Variants in ADRA1B observed in about 807,000 individuals in gnomAD.
ADRA1B encodes alpha-1B adrenergic receptor.
A neutral mutation model predicts 17.9 loss-of-function variants in ADRA1B; 17 were observed. The observed-to-expected ratio is 0.95, with a 90% CI of 0.65 to 1.42. The LOEUF is 1.42. Among genes scored for constraint, ADRA1B ranks in the 40% most tolerant of loss-of-function variants. The probability of loss-of-function intolerance (pLI) is 0.00; values close to 1 mark genes in which losing one functional copy is unlikely to be tolerated. For synonymous variants in ADRA1B, 366 were observed against 327.6 expected (o/e 1.12, Z -1.27); for missense variants, 681 against 722.1 (o/e 0.94, Z 0.65).
intron 1 of ADRA1B, among the ~76,000 whole-genome samples, chr5:159,904,762 T>C (rs1754141020): frequency 6.6e-6 from 1 of 152,240 alleles, no homozygotes; most frequent in South Asian, 2.1e-4. Flanking sequence ...ACACCATTAT[T>C]GAATGTGAGT....
chr5:159,921,628 C>G (rs558361455), intron 1 of ADRA1B, among the ~76,000 whole-genome samples: 1 of 152,328 alleles, frequency 6.6e-6, no homozygotes, highest in East Asian at 1.9e-4. Context: ...TGCTCCAAAT[C>G]TTTCTTCTGT....
chr5:159,937,231 G>A (rs548455545), intron 1 of ADRA1B, among the ~76,000 whole-genome samples: 8 of 152,328 alleles, frequency 5.3e-5, no homozygotes, highest in South Asian at 2.1e-4. Flanking sequence ...ATCCCTGCTC[G>A]CTGGCACTTG....
intron 1 of ADRA1B, among the ~76,000 whole-genome samples, chr5:159,920,430 C>A (rs2113160466): frequency 6.6e-6 from 1 of 152,308 alleles, no homozygotes; most frequent in Non-Finnish European, 1.5e-5. Context: ...CCCCTAGCAT[C>A]TCAGGTCCTG....
intron 1 of ADRA1B, among the ~76,000 whole-genome samples, chr5:159,954,227 A>G (rs1037097258): frequency 1.3e-5 from 2 of 152,128 alleles, no homozygotes; most frequent in African/African-American, 4.8e-5. Flanking sequence ...CTTATCAACA[A>G]CAGAAATTTA....
intron 1 of ADRA1B, among the ~76,000 whole-genome samples, chr5:159,899,008 G>A (rs930645033): frequency 6.6e-6 from 1 of 151,918 alleles, no homozygotes; most frequent in African/African-American, 2.4e-5. Context: ...TTAGCCAAGT[G>A]TGGTGGTGCA....
intron 1 of ADRA1B, among the ~76,000 whole-genome samples, chr5:159,918,573 C>A (rs933604679): frequency 6.6e-6 from 1 of 152,176 alleles, no homozygotes; most frequent in Non-Finnish European, 1.5e-5. Context: ...TTATGGAATG[C>A]CCAGAATCAA....
chr5:159,899,825 C>T (rs1284300689), intron 1 of ADRA1B, among the ~76,000 whole-genome samples: 2 of 152,148 alleles, frequency 1.3e-5, no homozygotes, highest in African/African-American at 4.8e-5. Flanking sequence ...TGTCCTCAGG[C>T]AAGATCTTTC....
the ADRA1B span, among the ~76,000 whole-genome samples, chr5:159,981,775 C>T: frequency 2.0e-5 from 3 of 152,136 alleles, no homozygotes; most frequent in African/African-American, 4.8e-5. Flanking sequence ...GGATTACAGA[C>T]GTGAGCTACC....
chr5:159,880,728 G>A (rs369990770), intron 1 of ADRA1B, among the ~76,000 whole-genome samples: 23 of 152,166 alleles, frequency 1.5e-4, no homozygotes, highest in African/African-American at 4.8e-4. Context: ...TGCCCTCTGG[G>A]GCTAACACAG....
intron 1 of ADRA1B, among the ~76,000 whole-genome samples, chr5:159,919,615 G>A (rs1016656268): frequency 1.2e-4 from 19 of 152,120 alleles, no homozygotes; most frequent in African/African-American, 3.6e-4. Context: ...TCTCCCCTTC[G>A]GTATAACTGT....
At chr5:159,940,771 G>A (rs542489700) in intron 1 of ADRA1B, among the ~76,000 whole-genome samples, 5 of 152,214 alleles carry the variant, frequency 3.3e-5, no homozygotes, top group South Asian at 4.2e-4. Context: ...ATTATCTGTG[G>A]TAGTTTTTAT....
At chr5:159,983,579 G>C in the ADRA1B span, among the ~76,000 whole-genome samples, 1 of 152,168 alleles carries the variant, frequency 6.6e-6, no homozygotes, top group Admixed American at 6.5e-5. Flanking sequence ...CGTCTTAGCC[G>C]TGGGAATGTG....
intron 1 of ADRA1B, among the ~76,000 whole-genome samples, chr5:159,893,908 G>C (rs7707024): frequency 0.67 from 101,696 of 152,126 alleles, 35,615 homozygotes; most frequent in African/African-American, 0.83. Context: ...TAAGAGGCCA[G>C]AGGGGCCTGG....
chr5:159,986,459 G>A, the ADRA1B span, among the ~76,000 whole-genome samples: 3 of 152,202 alleles, frequency 2.0e-5, no homozygotes, highest in African/African-American at 7.2e-5. Flanking sequence ...TGTGAGACTA[G>A]AGAGAGTCAT....
At chr5:159,979,162 C>CA in the ADRA1B span, among the ~76,000 whole-genome samples, 58,206 of 151,094 alleles carry the variant, frequency 0.39, 12,573 homozygotes, top group Non-Finnish European at 0.49. Flanking sequence ...CCTATCTCTA[C>CA]AAAAAAAAAT....
At chr5:159,915,352 G>A (rs1754274690), upstream of ADRA1B, among the ~76,000 whole-genome samples, 1 of 152,194 alleles carries the variant, frequency 6.6e-6, no homozygotes, top group Non-Finnish European at 1.5e-5. Flanking sequence ...TTTCTCTCAT[G>A]AGAGTCATGA....
chr5:159,929,178 A>G (rs1754736504), intron 1 of ADRA1B: 1 of 152,230 alleles, frequency 6.6e-6, no homozygotes, highest in Non-Finnish European at 1.5e-5. Context: ...TATAATGTTG[A>G]AAAAACAAAT....
upstream of ADRA1B, chr5:159,916,128 A>G (rs1232029347): frequency 2.0e-5 from 3 of 152,328 alleles, no homozygotes; most frequent in Non-Finnish European, 4.4e-5. Context: ...GGTGCTGGAC[A>G]AGTTGCATAT....
At chr5:159,913,773 G>A (rs1754251541), upstream of ADRA1B, among the ~76,000 whole-genome samples, 1 of 152,156 alleles carries the variant, frequency 6.6e-6, no homozygotes, top group Non-Finnish European at 1.5e-5. Flanking sequence ...AAATTCAATG[G>A]TGTGTTGCTG....
Sources: gnomAD v4.1 joint callset for allele counts (sites outside exome capture counted in the v4.1 genomes callset) on GRCh38, gnomAD v4.1.1 for gene constraint, MANE v1.5 for transcripts, NCBI Gene and HGNC (gene_info 2026-07-23, HGNC 2026-07-21) for gene names.